ADGRV1: variants seen among roughly 807,000 people sequenced by gnomAD.
The protein encoded by ADGRV1 is G-protein coupled receptor 98.
A neutral mutation model predicts 596.2 loss-of-function variants in ADGRV1; 359 were observed. That is an observed-to-expected ratio of 0.60 (90% CI 0.55 to 0.66). The LOEUF is 0.66. Ranked by LOEUF, ADGRV1 falls within the 30% of genes least tolerant of loss-of-function variation. ADGRV1 has a pLI of 0.00. For synonymous variants in ADGRV1, 2,681 were observed against 2,679.2 expected (o/e 1.00, Z -0.02); for missense variants, 7,274 against 7,575.6 (o/e 0.96, Z 1.48).
chr5:90,960,515 A>G (rs1232070280), intron 83 of ADGRV1, among the ~76,000 whole-genome samples: 1 of 152,238 alleles, frequency 6.6e-6, no homozygotes, highest in East Asian at 1.9e-4. Flanking sequence ...CGAAGACATT[A>G]AAATTAATTT....
At chr5:90,766,474 A>G (rs2150031433) in intron 59 of ADGRV1, among the ~76,000 whole-genome samples, 1 of 152,318 alleles carries the variant, frequency 6.6e-6, no homozygotes, top group Middle Eastern at 3.4e-3. Flanking sequence ...TAACATAATA[A>G]GACAATGTCA....
intron 1 of ADGRV1, among the ~76,000 whole-genome samples, chr5:90,582,406 A>T (rs1758184224): frequency 6.6e-6 from 1 of 152,210 alleles, no homozygotes; most frequent in Admixed American, 6.5e-5. Flanking sequence ...TAGGATAGCC[A>T]GAGCTTCTTG....
chr5:90,672,870 A>G (rs1293001016), intron 22 of ADGRV1, 148 bp downstream of exon 22: 2 of 592,102 alleles, frequency 3.4e-6, no homozygotes, highest in South Asian at 2.9e-5. Flanking sequence ...ATTTGCTTCA[A>G]ACATGTCTGC....
At chr5:90,841,044 A>G in intron 78 of ADGRV1, 59 bp downstream of exon 78, 1 of 1,174,346 alleles carries the variant, frequency 8.5e-7, no homozygotes, top group Non-Finnish European at 1.1e-6. Flanking sequence ...TTAAAAACCC[A>G]AGTAAAACCA....
In ADGRV1 at chr5:90,705,595, G is replaced by T; in HGVS notation, c.8566+16G>T. The stretch of plus-strand genomic sequence containing the variant: ...GGATCTCTAGGTTTGTGTTACTCTA[G>T]AATGAATGGGGTTTCCAGGCAAGTG... On this transcript the variant is annotated intron_variant, in intron 37 of 89. Coordinates refer to ENST00000405460, the MANE Select transcript of ADGRV1 (RefSeq NM_032119.4). 6.2e-7 allele frequency: 1 copy of T among 1,603,486 alleles called. No individual in the cohort carries two copies. The highest frequency in any genetic ancestry group is 8.5e-7 in the Non-Finnish European group (1 of 1,172,748).
At position 90,893,341 on chromosome 5, in the gene ADGRV1, C is replaced by T. The variant is rs143134813; in HGVS notation, c.17856+29484C>T. Among the ~76,000 whole-genome samples, 566 of 152,174 alleles carry T rather than the reference C, an allele frequency of 3.7e-3. 9 individuals are homozygous for T. The highest frequency in any genetic ancestry group is 3.6e-3 in the Non-Finnish European group (245 of 68,002). ...AGAATGAGCATGACCAAGGTAAAAG[C>T]CACATTTTATTTGACAGTCTACTCT... is the stretch of plus-strand genomic sequence containing the variant. On this transcript the variant is annotated intron_variant, in intron 83 of 89. Coordinates refer to ENST00000405460, the MANE Select transcript of ADGRV1 (RefSeq NM_032119.4).
intron 70 of ADGRV1, among the ~76,000 whole-genome samples, chr5:90,794,724 C>T (rs1410356174): frequency 6.6e-6 from 1 of 152,166 alleles, no homozygotes; most frequent in Non-Finnish European, 1.5e-5. Context: ...TGGTCTGCAG[C>T]TCCCAGTGAG....
intron 34 of ADGRV1, among the ~76,000 whole-genome samples, chr5:90,700,218 C>T (rs1747733539): frequency 6.6e-6 from 1 of 152,100 alleles, no homozygotes; most frequent in Non-Finnish European, 1.5e-5. Flanking sequence ...AACCGCTAAA[C>T]AAATGGGGTG....
At chr5:90,596,941 G>C (rs984568380) in intron 1 of ADGRV1, among the ~76,000 whole-genome samples, 1 of 152,144 alleles carries the variant, frequency 6.6e-6, no homozygotes, top group Non-Finnish European at 1.5e-5. Flanking sequence ...CAAAAAGAGT[G>C]GTGGGTGGTC....
chr5:90,973,027 C>A (rs1398288102), intron 84 of ADGRV1, among the ~76,000 whole-genome samples: 1 of 152,086 alleles, frequency 6.6e-6, no homozygotes, highest in Non-Finnish European at 1.5e-5. Flanking sequence ...GATATCACCA[C>A]CGATCCCACA....
intron 1 of ADGRV1, among the ~76,000 whole-genome samples, chr5:90,577,242 G>A (rs1189989389): frequency 2.0e-5 from 3 of 152,128 alleles, no homozygotes; most frequent in Middle Eastern, 3.4e-3. Flanking sequence ...GGGTTTTTAT[G>A]GTTTTAGGTC....
chr5:91,076,351 G>C (rs551575996), intron 86 of ADGRV1, among the ~76,000 whole-genome samples: 3 of 152,060 alleles, frequency 2.0e-5, no homozygotes, highest in Non-Finnish European at 2.9e-5. Context: ...GAATGGAGTG[G>C]TCACTTGTTT....
chr5:90,653,974 AGGACACT>A, intron 20 of ADGRV1, 22 bp downstream of exon 20: 1 of 1,551,332 alleles, frequency 6.4e-7, no homozygotes, highest in Non-Finnish European at 8.7e-7. Flanking sequence ...CATCACAACT[AGGACACT>A]GAAATTTGCA....
intron 1 of ADGRV1, among the ~76,000 whole-genome samples, chr5:90,563,779 A>G (rs1755177334): frequency 6.6e-6 from 1 of 152,264 alleles, no homozygotes; most frequent in South Asian, 2.1e-4. Flanking sequence ...TTGTGGAAAT[A>G]AAGGTTTTGT....
At chr5:90,869,617 G>A (rs1016190726) in intron 83 of ADGRV1, among the ~76,000 whole-genome samples, 2 of 152,006 alleles carry the variant, frequency 1.3e-5, no homozygotes, top group Non-Finnish European at 2.9e-5. Flanking sequence ...TTCAAAGGAA[G>A]GAATAAGGAC....
chr5:90,734,300 T>C (rs1012673513), intron 50 of ADGRV1, among the ~76,000 whole-genome samples: 1 of 152,202 alleles, frequency 6.6e-6, no homozygotes, highest in Non-Finnish European at 1.5e-5. Context: ...AAGTGGGTAT[T>C]GCTGGATCAT....
chr5:90,958,896 C>G (rs530630993), intron 83 of ADGRV1, among the ~76,000 whole-genome samples: 1 of 152,302 alleles, frequency 6.6e-6, no homozygotes, highest in East Asian at 1.9e-4. Context: ...TGCTGAAAAA[C>G]TGAATGCTTT....
At chr5:90,696,377 G>T (rs1224989702) in intron 33 of ADGRV1, among the ~76,000 whole-genome samples, 1 of 152,014 alleles carries the variant, frequency 6.6e-6, no homozygotes, top group Non-Finnish European at 1.5e-5. Flanking sequence ...ACTTGATGCT[G>T]TCATCTCATC....
chr5:90,847,467 G>A (rs775424854), intron 78 of ADGRV1, among the ~76,000 whole-genome samples: 2 of 152,210 alleles, frequency 1.3e-5, no homozygotes, highest in African/African-American at 4.8e-5. Flanking sequence ...AGTGGATCCC[G>A]CACCAGGGCT....
Sources: allele counts gnomAD v4.1 joint callset (sites outside exome capture counted in the v4.1 genomes callset), GRCh38; gene constraint gnomAD v4.1.1; transcripts MANE v1.5; gene names NCBI Gene and HGNC (gene_info 2026-07-23, HGNC 2026-07-21).